The following EGF variants were observed in gnomAD, a reference collection of about 807,000 sequenced individuals.
EGF encodes epidermal growth factor.
In EGF, 95 loss-of-function variants were observed where a neutral mutation model predicts 143.8. The ratio of observed to expected loss-of-function variants is 0.66; its 90% CI spans 0.56 to 0.78. The LOEUF (loss-of-function observed/expected upper bound fraction) is 0.78. Among genes scored for constraint, EGF ranks in the 30% least tolerant of loss-of-function variants. EGF has a pLI of 0.00. For synonymous variants in EGF, 510 were observed against 510.5 expected, an observed-to-expected ratio of 1.00 and a Z score of 0.01; for missense variants, 1,320 against 1,470.9, an observed-to-expected ratio of 0.90 and a Z score of 1.68.
At chr4:109,954,266 A>G (rs754778472) in intron 5 of EGF, among the ~76,000 whole-genome samples, 36 of 152,202 alleles carry the variant, frequency 2.4e-4, no homozygotes, top group Middle Eastern at 3.4e-3. Context: ...TGGCCAGGCT[A>G]GTCTCCAACT....
At chr4:109,968,707 T>TCTATCTATCTACCTACCTAC (rs139653683) in intron 10 of EGF, 3,608 of 351,078 alleles carry the variant, frequency 0.01, 25 homozygotes, top group African/African-American at 0.017. Context: ...TATCTATCTA[T>TCTATCTATCTACCTACCTAC]CTACCTACCT....
chr4:109,969,328 G>T (rs1747192239), intron 11 of EGF, among the ~76,000 whole-genome samples: 3 of 152,112 alleles, frequency 2.0e-5, no homozygotes, highest in African/African-American at 7.2e-5. Flanking sequence ...GATTTTGAAG[G>T]CCAAGAAAGT....
chr4:109,913,240 G>A lies in EGF; in HGVS notation c.-96G>A. On this transcript the variant is annotated 5_prime_UTR_variant, in exon 1 of 24. Coordinates refer to ENST00000265171, the MANE Select transcript of EGF (RefSeq NM_001963.6). ...CCCCAGGGCTGAGGCCTCCGCTCAG[G>A]CAGCCGCATCTGGGGTCAATCATAC... 1.3e-6 allele frequency: 2 copies of A among 1,531,908 alleles called. No homozygotes were observed. Among genetic ancestry groups the A allele is most frequent in the South Asian group, 1.1e-5 (1 of 88,816 alleles). The allele number at this position is 1,531,908 out of a possible 1,614,324, so 94.9% of individuals were successfully genotyped here.
intron 1 of EGF, among the ~76,000 whole-genome samples, chr4:109,927,848 T>TGTGTGG (rs35084748): frequency 1.4e-5 from 2 of 142,434 alleles, no homozygotes; most frequent in African/African-American, 5.2e-5. Flanking sequence ...TGTGTGTGTG[T>TGTGTGG]GAAACATTTG....
At chr4:109,926,307 T>G (rs1177079618) in intron 1 of EGF, among the ~76,000 whole-genome samples, 1 of 150,986 alleles carries the variant, frequency 6.6e-6, no homozygotes, top group African/African-American at 2.4e-5. Flanking sequence ...GAGCTAGGAT[T>G]GTGCTACTGC....
chr4:109,975,498 T>C (rs1748349923), intron 12 of EGF, among the ~76,000 whole-genome samples: 1 of 152,208 alleles, frequency 6.6e-6, no homozygotes, highest in African/African-American at 2.4e-5. Context: ...TCAAAAAAAA[T>C]GTGCCCAGCA....
Position 109,921,629 on chromosome 4 carries a change from G to A in EGF, c.127+8167G>A, listed in dbSNP as rs941014959. ...CCTCCATTCAGACTAACTTCCCAGGGTGCTATGGACCAGCTTTGTGTGCAG... is the reference window on the plus strand; with the variant it reads ...CCTCCATTCAGACTAACTTCCCAGGATGCTATGGACCAGCTTTGTGTGCAG... On this transcript the variant is annotated intron_variant, in intron 1 of 23. Transcript: ENST00000265171. 1.8e-4 allele frequency among the ~76,000 whole-genome samples: 28 copies of A among 151,608 alleles called. 1 individual carries two copies. The highest frequency in any genetic ancestry group is 6.8e-4 in the African/African-American group (28 of 40,920).
At position 109,913,529 on chromosome 4, in the gene EGF, A is replaced by T. The variant is rs1035784390; in HGVS notation, c.127+67A>T. ...CTGCCCCCACATCCCTGTTGGTTCA[A>T]TCTGGTATACTTGGGCATTTAACAA... On this transcript the variant is annotated intron_variant, in intron 1 of 23. Coordinates refer to ENST00000265171, the MANE Select transcript of EGF (RefSeq NM_001963.6). 1.4e-5 allele frequency: 23 copies of T among 1,588,260 alleles called. No homozygotes were observed. The East Asian group carries it at 4.8e-4, about 33-fold the overall frequency.
At chr4:109,921,952 C>T (rs746990276) in intron 1 of EGF, among the ~76,000 whole-genome samples, 1 of 151,542 alleles carries the variant, frequency 6.6e-6, no homozygotes, top group Non-Finnish European at 1.5e-5. Context: ...TCTTCCAGCC[C>T]AGGCCTTCCC....
At chr4:109,944,939 T>C in intron 4 of EGF, 134 bp from the exon 5 acceptor site, 6 of 940,662 alleles carry the variant, frequency 6.4e-6, no homozygotes, top group Non-Finnish European at 9.8e-6. Context: ...AATATACTTT[T>C]CTAAACATAA....
intron 5 of EGF, among the ~76,000 whole-genome samples, chr4:109,950,679 C>A (rs1342240332): frequency 2.3e-4 from 35 of 152,188 alleles, no homozygotes; most frequent in Non-Finnish European, 1.5e-5. Flanking sequence ...ACTTTCCTTT[C>A]ATGAGGCACA....
chr4:109,926,270 T>C (rs1381560652), intron 1 of EGF, among the ~76,000 whole-genome samples: 1 of 151,986 alleles, frequency 6.6e-6, no homozygotes, highest in East Asian at 1.9e-4. Flanking sequence ...GGAGGATCTC[T>C]TGAGCCCAGG....
Position 110,004,629 on chromosome 4 carries a change from T to A in EGF, c.3291+7T>A. 6.2e-7 allele frequency: 1 copy of A among 1,613,196 alleles called. No individual in the cohort carries two copies. Among genetic ancestry groups the A allele is most frequent in the Admixed American group, 1.7e-5 (1 of 59,994 alleles). On this transcript the variant is annotated splice_region_variant and intron_variant, in intron 22 of 23. Coordinates refer to ENST00000265171, the MANE Select transcript of EGF (RefSeq NM_001963.6). ...CTCTTGCCCTCAACCTTGGGTAATGTGACCAAAGCAGATGAAGCAAGGAAT... is the reference window on the plus strand; with the variant it reads ...CTCTTGCCCTCAACCTTGGGTAATGAGACCAAAGCAGATGAAGCAAGGAAT...
At chr4:109,960,785 C>A (rs11568934) in intron 6 of EGF, 82 bp from the exon 7 acceptor site, 35 of 1,516,816 alleles carry the variant, frequency 2.3e-5, no homozygotes, top group Non-Finnish European at 3.0e-5. Flanking sequence ...AGATACCCTG[C>A]GTTGTGATGA....
chr4:110,007,094 C>T (rs1753406328), intron 22 of EGF, among the ~76,000 whole-genome samples: 1 of 152,122 alleles, frequency 6.6e-6, no homozygotes, highest in South Asian at 2.1e-4. Flanking sequence ...TGCAGGAGAT[C>T]ATCAATGAGG....
chr4:109,914,711 A>G (rs112119009), intron 1 of EGF, among the ~76,000 whole-genome samples: 21 of 152,296 alleles, frequency 1.4e-4, no homozygotes, highest in African/African-American at 4.6e-4. Context: ...CTGATCTGCT[A>G]ATGACATAGT....
intron 1 of EGF, among the ~76,000 whole-genome samples, chr4:109,921,992 T>G (rs12506489): frequency 0.48 from 73,054 of 151,086 alleles, 19,262 homozygotes; most frequent in African/African-American, 0.67. Context: ...GCTGAAGGGT[T>G]GAAGCTACCA....
chr4:109,995,714 T>C (rs1382644232), intron 20 of EGF, among the ~76,000 whole-genome samples: 2 of 152,202 alleles, frequency 1.3e-5, no homozygotes, highest in Non-Finnish European at 2.9e-5. Context: ...CCATTGATAA[T>C]TTTCTCTGTG....
At chr4:109,963,719 A>ATT (rs150102791) in intron 9 of EGF, among the ~76,000 whole-genome samples, 1,809 of 151,828 alleles carry the variant, frequency 0.012, 32 homozygotes, top group African/African-American at 0.04. Context: ...CGCTTCAGCT[A>ATT]TTTTTTTTGT....
Sources: allele counts gnomAD v4.1 joint callset (sites outside exome capture counted in the v4.1 genomes callset), GRCh38; gene constraint gnomAD v4.1.1; transcripts MANE v1.5; gene names NCBI Gene and HGNC (gene_info 2026-07-23, HGNC 2026-07-21).